The following CFAP97 variants were observed in gnomAD, a reference collection of about 807,000 sequenced individuals.
The protein encoded by CFAP97 is cilia and flagella associated protein 97, also known as cilia- and flagella-associated protein 97.
In CFAP97, 36 loss-of-function variants were observed where a neutral mutation model predicts 43.1. That is an observed-to-expected ratio of 0.84 (90% confidence interval 0.64 to 1.10). The LOEUF is 1.10. Among genes scored for constraint, CFAP97 ranks in the 50% least tolerant of loss-of-function variants. The pLI, the probability that CFAP97 is intolerant of heterozygous loss-of-function variation, is 0.00. For missense variants in CFAP97, 657 were observed against 620.3 expected (o/e 1.06, Z -0.63); for synonymous variants, 228 against 225.7 (o/e 1.01, Z -0.09).
At chr4:185,170,333 G>A (rs6820332) in intron 3 of CFAP97, 272,448 of 590,610 alleles carry the variant, frequency 0.46, 63,928 homozygotes, top group African/African-American at 0.59. Flanking sequence ...GTGACAGAGC[G>A]AGATAGTCTA....
chr4:185,193,439 G>A (rs1326307643), intron 1 of CFAP97, among the ~76,000 whole-genome samples: 1 of 152,102 alleles, frequency 6.6e-6, no homozygotes, highest in Non-Finnish European at 1.5e-5. Flanking sequence ...AAGGTCAGGA[G>A]TTCGAGACTA....
intron 2 of CFAP97, among the ~76,000 whole-genome samples, chr4:185,179,980 C>G (rs535126991): frequency 1.3e-5 from 2 of 152,272 alleles, no homozygotes; most frequent in African/African-American, 4.8e-5. Context: ...GACCCATTTA[C>G]TAATGTGAAA....
At chr4:185,171,189 C>T (rs1385740096) in intron 3 of CFAP97, among the ~76,000 whole-genome samples, 1 of 151,828 alleles carries the variant, frequency 6.6e-6, no homozygotes, top group Non-Finnish European at 1.5e-5. Context: ...TATTTATTTT[C>T]ATTTCTCTGA....
chr4:185,185,464 A>G (rs1735969795), intron 2 of CFAP97, among the ~76,000 whole-genome samples: 1 of 152,210 alleles, frequency 6.6e-6, no homozygotes, highest in Admixed American at 6.5e-5. Flanking sequence ...AACAGTTGAC[A>G]GTATTTATTA....
Position 185,190,503 on chromosome 4 carries a change from T to C in CFAP97, c.694A>G (p.Thr232Ala), listed in dbSNP as rs370581393. Residue 232 changes from threonine to alanine, a missense_variant, in exon 2 of 5, where the codon ACA (threonine) becomes GCA (alanine). By Grantham distance (58) the Thr-to-Ala change is moderately conservative. Transcript: ENST00000458385. ...TTTGGTGTAGTACTTGAAGGCTGTG[T>C]TTCTGTCGATTTTATTCCTGATTTA... ...KYKSGIKSTE[T>A]QPSSTTPKCG... 4.7e-5 allele frequency: 76 copies of C among 1,613,854 alleles called. No homozygotes were observed. The highest frequency in any genetic ancestry group is 6.0e-5 in the Non-Finnish European group (71 of 1,179,886).
intron 2 of CFAP97, among the ~76,000 whole-genome samples, chr4:185,188,231 C>T (rs977620693): frequency 7.9e-5 from 12 of 152,056 alleles, no homozygotes; most frequent in Non-Finnish European, 1.0e-4. Context: ...TCCAGGGTTT[C>T]ACTATGTTGC....
rs1056825350 is a variant in CFAP97, at chr4:185,186,670, T to A, written c.1054+3473A>T. Among the ~76,000 whole-genome samples, 5 of 152,318 alleles carry A rather than the reference T, an allele frequency of 3.3e-5. No homozygotes were observed. In the South Asian group the frequency reaches 1.0e-3, roughly 32 times the overall value. ...AGTGATTAGCAAAAATCACTAATTT[T>A]TTTGGATATACACCTTTTTCATGAC... On this transcript the variant is annotated intron_variant, in intron 2 of 4. Coordinates refer to ENST00000458385, the MANE Select transcript of CFAP97 (RefSeq NM_020827.3).
chr4:185,199,421 C>T lies in CFAP97; in HGVS notation c.-17+4477G>A, dbSNP rs571845666. ...CGGTGCCTCCCACCTATAATCCAAG[C>T]ACTTTCGGAGGCCAAGGCAGGTGGA... On this transcript the variant is annotated intron_variant, in intron 1 of 4. Transcript: ENST00000458385. Among the ~76,000 whole-genome samples the T allele has an allele frequency of 3.3e-5, 5 of 152,140 alleles. No individual in the cohort carries two copies. In the East Asian group the frequency reaches 5.8e-4, roughly 18 times the overall value.
chr4:185,210,061 G>A, upstream of CFAP97: 1 of 984,166 alleles, frequency 1.0e-6, no homozygotes, highest in Non-Finnish European at 1.2e-6. The surrounding 1 kb of genome is among the most constrained non-coding windows in gnomAD (Gnocchi z 4.4). Context: ...GCCCGGCAGC[G>A]GGGAGGCGGC....
At position 185,161,796 on chromosome 4, in the gene CFAP97, A is replaced by G. The variant is rs1579222478; in HGVS notation, c.*1002T>C. On this transcript the variant is annotated 3_prime_UTR_variant, in exon 5 of 5. Coordinates refer to ENST00000458385, the MANE Select transcript of CFAP97 (RefSeq NM_020827.3). ...AGCAGCCTCAACAAATGTGTGATTTATTTCCCTTTTTGTTCAAATTTTAGT... is the reference window on the plus strand; with the variant it reads ...AGCAGCCTCAACAAATGTGTGATTTGTTTCCCTTTTTGTTCAAATTTTAGT... The G allele has an allele frequency of 6.6e-6, 1 of 152,184 alleles. No individual in the cohort carries two copies. The highest frequency in any genetic ancestry group is 1.9e-4 in the East Asian group (1 of 5,200). The allele number at this position is 152,184 out of a possible 1,614,324, so 9.4% of individuals were successfully genotyped here.
chr4:185,169,567 C>T (rs978081440), intron 3 of CFAP97: 2 of 963,652 alleles, frequency 2.1e-6, no homozygotes, highest in African/African-American at 3.5e-5. Context: ...TGGACTAATA[C>T]ACTTGTCCAA....
chr4:185,168,298 T>TC (rs1407048365), intron 3 of CFAP97, among the ~76,000 whole-genome samples: 2 of 151,044 alleles, frequency 1.3e-5, no homozygotes, highest in African/African-American at 4.9e-5. Context: ...TTTGCCCACT[T>TC]TTTTTTTTTC....
At chr4:185,192,621 T>G (rs28526041) in intron 1 of CFAP97, among the ~76,000 whole-genome samples, 825 of 37,732 alleles carry the variant, frequency 0.022, 6 homozygotes, top group African/African-American at 0.055. Context: ...TAAAAAATGG[T>G]TTTTTTTATC....
upstream of CFAP97, chr4:185,209,975 G>A (rs956366824): frequency 1.2e-5 from 12 of 983,532 alleles, no homozygotes; most frequent in African/African-American, 1.8e-5. The surrounding 1 kb of genome is among the most constrained non-coding windows in gnomAD (Gnocchi z 5.2). Context: ...GCGGCGCCGG[G>A]GGCCCCGGGC....
chr4:185,199,156 T>G (rs7676186), intron 1 of CFAP97, among the ~76,000 whole-genome samples: 1,882 of 152,142 alleles, frequency 0.012, 28 homozygotes, highest in Middle Eastern at 0.027. Context: ...GCGGATCACT[T>G]GAGGCCAGGA....
chr4:185,190,331 T>C lies in CFAP97; in HGVS notation c.866A>G (p.Gln289Arg). Residue 289 changes from glutamine (Q) to arginine (R), a missense_variant, in exon 2 of 5, where the codon CAA (glutamine) becomes CGA (arginine). Physicochemically the swap from Gln to Arg is conservative, Grantham distance 43 (BLOSUM62 1). Transcript: ENST00000458385. ...VKIKKQENVS[Q>R]EIYEDVEDLK... ...ATCCTCAACATCTTCATATATTTCT[T>C]GGCTCACATTTTCTTGCTTTTTAAT... 6.2e-7 allele frequency: 1 copy of C among 1,604,334 alleles called. No homozygotes were observed. Among genetic ancestry groups the C allele is most frequent in the South Asian group, 1.1e-5 (1 of 90,056 alleles).
chr4:185,180,954 TA>T (rs1206726643), intron 2 of CFAP97, among the ~76,000 whole-genome samples: 1 of 152,150 alleles, frequency 6.6e-6, no homozygotes, highest in African/African-American at 2.4e-5. Context: ...GAAATTGTTT[TA>T]AAGATATTAA....
At chr4:185,163,960 C>A (rs1734968585) in intron 4 of CFAP97, 69 bp downstream of exon 4, 1 of 1,397,932 alleles carries the variant, frequency 7.2e-7, no homozygotes, top group South Asian at 1.3e-5. Context: ...ATCATAATAA[C>A]ATGTTACGTT....
upstream of CFAP97, among the ~76,000 whole-genome samples, chr4:185,207,104 C>T (rs891934217): frequency 6.6e-6 from 1 of 152,034 alleles, no homozygotes; most frequent in East Asian, 1.9e-4. Context: ...ACTCAATCCA[C>T]TGACCCAGGG....
Sources: allele counts gnomAD v4.1 joint callset (sites outside exome capture counted in the v4.1 genomes callset), GRCh38; gene constraint gnomAD v4.1.1; non-coding constraint Gnocchi (gnomAD v3.1); transcripts MANE v1.5; gene names NCBI Gene and HGNC (gene_info 2026-07-23, HGNC 2026-07-21).